Variants in ZNF827 observed in about 807,000 individuals in gnomAD.
ZNF827 encodes the protein zinc finger protein 827.
A neutral mutation model predicts 102.4 loss-of-function variants in ZNF827; 13 were observed. That is an observed-to-expected ratio of 0.13 (90% CI 0.08 to 0.20). The LOEUF is 0.20. Ranked by LOEUF, ZNF827 falls within the 10% of genes least tolerant of loss-of-function variation. ZNF827 has a pLI of 1.00. For missense variants in ZNF827, 1,103 were observed against 1,344.4 expected (o/e 0.82, Z 2.81); for synonymous variants, 523 against 536.2 (o/e 0.98, Z 0.34).
chr4:145,925,216 G>T (rs1561085615), intron 1 of ZNF827, among the ~76,000 whole-genome samples: 1 of 152,142 alleles, frequency 6.6e-6, no homozygotes, highest in Non-Finnish European at 1.5e-5. Flanking sequence ...CATGACATGT[G>T]GGAATTATGC....
intron 4 of ZNF827, among the ~76,000 whole-genome samples, chr4:145,880,003 G>A (rs1329840167): frequency 6.6e-6 from 1 of 152,140 alleles, no homozygotes; most frequent in East Asian, 1.9e-4. Context: ...TTGGGAGGCC[G>A]AGGCAGCCAG....
intron 1 of ZNF827, among the ~76,000 whole-genome samples, chr4:145,923,879 G>A (rs1297558845): frequency 6.6e-6 from 1 of 152,126 alleles, no homozygotes; most frequent in African/African-American, 2.4e-5. Flanking sequence ...GGAGTTTAGG[G>A]GTCCTGGTAA....
intron 4 of ZNF827, among the ~76,000 whole-genome samples, chr4:145,877,674 T>G (rs1013447413): frequency 2.0e-5 from 3 of 152,172 alleles, no homozygotes; most frequent in Non-Finnish European, 4.4e-5. Flanking sequence ...AAAAACAGCC[T>G]CTGCAGAAGG....
chr4:145,916,234 C>T (rs1452160565), intron 1 of ZNF827, among the ~76,000 whole-genome samples: 2 of 152,202 alleles, frequency 1.3e-5, no homozygotes, highest in Admixed American at 6.5e-5. Flanking sequence ...GCCTGGGCCC[C>T]CAGGCGGTCG....
chr4:145,846,107 C>G, intron 6 of ZNF827, 94 bp from the exon 7 acceptor site: 2 of 1,178,002 alleles, frequency 1.7e-6, no homozygotes, highest in South Asian at 2.6e-5. Context: ...CAACATCTCT[C>G]TTTTTCCTTT....
chr4:145,818,615 T>C (rs980947062), intron 8 of ZNF827, among the ~76,000 whole-genome samples: 3 of 152,260 alleles, frequency 2.0e-5, no homozygotes, highest in Admixed American at 1.3e-4. Flanking sequence ...TGTTTGAGAA[T>C]GGACTGAAGA....
intron 8 of ZNF827, among the ~76,000 whole-genome samples, chr4:145,818,061 CAGTA>C (rs1244783424): frequency 1.2e-4 from 18 of 152,278 alleles, no homozygotes; most frequent in African/African-American, 4.3e-4. Context: ...TGTTAATCAA[CAGTA>C]AGTAATTATA....
intron 2 of ZNF827, among the ~76,000 whole-genome samples, chr4:145,898,984 GC>G (rs978059335): frequency 1.3e-5 from 2 of 152,024 alleles, no homozygotes; most frequent in African/African-American, 4.8e-5. Flanking sequence ...AAAAATGAAA[GC>G]CCTGCCTGAA....
In ZNF827 at chr4:145,765,716, G is replaced by T. The variant is rs140573202; in HGVS notation, c.2883C>A (p.Ser961Arg). The change falls in exon 12 of 15, where the codon AGC (serine) becomes AGA (arginine). Residue 961 changes from serine (S) to arginine (R), a missense_variant. Ser to Arg is a moderately radical substitution (Grantham distance 110, BLOSUM62 -1). This residue lies in a region of ZNF827 where 242 missense variants were observed against 361.9 expected (regional missense o/e 0.67). Coordinates refer to ENST00000508784, the MANE Select transcript of ZNF827 (RefSeq NM_001306215.2). The surrounding 1 kb of genome is among the most constrained non-coding windows in gnomAD (Gnocchi z 4.7). ...AGGATGAAGAGGGGCTATTTGATTC[G>T]CTGGGGGTCTTCCTGTCTTCCCCTG... ...KHTGEDRKTP[S>R]ESNSPSSSSL... 2.5e-6 allele frequency: 4 copies of T among 1,613,706 alleles called. No homozygotes were observed. The South Asian group carries it at 4.4e-5, about 18-fold the overall frequency.
At chr4:145,879,504 A>G (rs1749490605) in intron 4 of ZNF827, among the ~76,000 whole-genome samples, 1 of 152,190 alleles carries the variant, frequency 6.6e-6, no homozygotes, top group Non-Finnish European at 1.5e-5. Flanking sequence ...AAGATAAAAA[A>G]TCACTCTGAT....
At chr4:145,793,981 C>T (rs1351360400) in intron 8 of ZNF827, among the ~76,000 whole-genome samples, 1 of 152,150 alleles carries the variant, frequency 6.6e-6, no homozygotes, top group East Asian at 1.9e-4. Flanking sequence ...CCCTCTTCAC[C>T]TCATCCCCCT....
intron 7 of ZNF827, chr4:145,831,623 A>G (rs1054225375): frequency 6.6e-6 from 1 of 152,268 alleles, no homozygotes; most frequent in African/African-American, 2.4e-5. Context: ...GCTGTGGCCA[A>G]TGAAACAGAA....
chr4:145,856,985 G>GTGCA (rs1553999801), intron 5 of ZNF827, among the ~76,000 whole-genome samples: 1 of 140,040 alleles, frequency 7.1e-6, no homozygotes, highest in African/African-American at 2.6e-5. Context: ...GCACGCGCAC[G>GTGCA]CACACACACA....
At chr4:145,818,901 G>C (rs1198761374) in intron 8 of ZNF827, among the ~76,000 whole-genome samples, 1 of 152,104 alleles carries the variant, frequency 6.6e-6, no homozygotes, top group Non-Finnish European at 1.5e-5. Context: ...ACCAGAGAAG[G>C]GAAAATGGAT....
chr4:145,845,941 C>T lies in ZNF827; in HGVS notation c.2279+15G>A. 1 of 1,614,190 alleles carries T rather than the reference C, an allele frequency of 6.2e-7. No homozygotes were observed. On this transcript the variant is annotated intron_variant, in intron 7 of 14. Transcript: ENST00000508784. ...ACACGGGGTGTTCTGGAGGAACCCA[C>T]ACAAAGTCGCCTACCTGGTCGTGGT...
intron 4 of ZNF827, 77 bp from the exon 5 acceptor site, chr4:145,870,555 T>C (rs1748596815): frequency 7.9e-7 from 1 of 1,269,706 alleles, no homozygotes; most frequent in East Asian, 2.4e-5. Flanking sequence ...CTTCACGAAG[T>C]ATGGAATGCA....
In ZNF827 at chr4:145,903,230, G is replaced by A. The variant is rs1466924388; in HGVS notation, c.44-15C>T. 6.3e-7 allele frequency: 1 copy of A among 1,592,174 alleles called. No homozygotes were observed. Among genetic ancestry groups the A allele is most frequent in the African/African-American group, 1.3e-5 (1 of 74,486 alleles). On this transcript the variant is annotated splice_polypyrimidine_tract_variant and intron_variant, in intron 1 of 14. Coordinates refer to ENST00000508784, the MANE Select transcript of ZNF827 (RefSeq NM_001306215.2). Reference sequence around the variant, plus strand: ...CCTACTAACATCTGGGGAGAATTAAGAAGATCAGGTTTACTCCCAAAGTGA... The same window carrying A: ...CCTACTAACATCTGGGGAGAATTAAAAAGATCAGGTTTACTCCCAAAGTGA...
chr4:145,818,999 A>G (rs773578264), intron 8 of ZNF827, among the ~76,000 whole-genome samples: 2 of 152,216 alleles, frequency 1.3e-5, no homozygotes, highest in African/African-American at 2.4e-5. Context: ...AGGTCCTGAA[A>G]GAAACTAAAA....
At chr4:145,771,523 G>T (rs181389841) in intron 11 of ZNF827, among the ~76,000 whole-genome samples, 81 of 152,296 alleles carry the variant, frequency 5.3e-4, no homozygotes, top group Non-Finnish European at 8.1e-4. Flanking sequence ...AGCAAAATTT[G>T]CACTGAAGAA....
Sources: gnomAD v4.1 joint callset for allele counts (sites outside exome capture counted in the v4.1 genomes callset) on GRCh38, gnomAD v4.1.1 for gene constraint, gnomAD v4.1.1 regional missense constraint, Gnocchi (gnomAD v3.1) non-coding constraint, MANE v1.5 for transcripts, NCBI Gene and HGNC (gene_info 2026-07-23, HGNC 2026-07-21) for gene names.